IGF2BP3: variants seen among roughly 807,000 people sequenced by gnomAD.
The protein encoded by IGF2BP3 is insulin-like growth factor 2 mRNA-binding protein 3.
Under a neutral mutation model 73.8 loss-of-function variants are expected in IGF2BP3, and 9 were observed. The observed-to-expected ratio is 0.12, with a 90% CI of 0.07 to 0.21. IGF2BP3 has a LOEUF of 0.21. Among genes scored for constraint, IGF2BP3 ranks in the 10% least tolerant of loss-of-function variants. The pLI is 1.00. For missense variants in IGF2BP3, 542 were observed against 714.0 expected (o/e 0.76, Z 2.75); for synonymous variants, 258 against 256.7 (o/e 1.01, Z -0.05).
Position 23,318,687 on chromosome 7 carries a change from G to A in IGF2BP3, c.1320+451C>T, listed in dbSNP as rs1480350180. Among the ~76,000 whole-genome samples, 8 of 152,208 alleles carry A rather than the reference G, an allele frequency of 5.3e-5. No homozygotes were observed. In the South Asian group the frequency reaches 1.2e-3, roughly 24 times the overall value. On this transcript the variant is annotated intron_variant, in intron 11 of 14. Coordinates refer to ENST00000258729, the MANE Select transcript of IGF2BP3 (RefSeq NM_006547.3). Reference sequence around the variant, plus strand: ...GCCTGTATTTTGCCCCTTCAACTTCGTCTGGCCAAGTTCTGGGCAATGGAA... The same window carrying A: ...GCCTGTATTTTGCCCCTTCAACTTCATCTGGCCAAGTTCTGGGCAATGGAA...
chr7:23,451,282 G>A (rs747521853), intron 2 of IGF2BP3, among the ~76,000 whole-genome samples: 6 of 152,090 alleles, frequency 3.9e-5, no homozygotes, highest in Non-Finnish European at 8.8e-5. Context: ...GTCAGGTGTG[G>A]TGGTGCATGC....
intron 2 of IGF2BP3, chr7:23,468,002 G>C: frequency 5.5e-6 from 1 of 181,296 alleles, no homozygotes; most frequent in Non-Finnish European, 1.2e-5. Flanking sequence ...GAGCTCACAG[G>C]GCAGAGGCAA....
At chr7:23,420,305 A>C (rs1298108140) in intron 2 of IGF2BP3, among the ~76,000 whole-genome samples, 1 of 151,936 alleles carries the variant, frequency 6.6e-6, no homozygotes. Context: ...ATCTCTACAA[A>C]AATCTTTTTA....
chr7:23,328,245 G>T (rs1283907820), intron 10 of IGF2BP3, among the ~76,000 whole-genome samples: 2 of 151,970 alleles, frequency 1.3e-5, no homozygotes, highest in Non-Finnish European at 2.9e-5. Context: ...GTCTTGCTCT[G>T]TCTCCCAGGC....
In IGF2BP3 at chr7:23,439,609, G is replaced by T. The variant is rs556856509; in HGVS notation, c.237-20785C>A. Reference sequence around the variant, plus strand: ...TTTAAACTCTGTCCCTTATGATAATGTAGGTTGTGATATCATGCTTATAAT... The same window carrying T: ...TTTAAACTCTGTCCCTTATGATAATTTAGGTTGTGATATCATGCTTATAAT... On this transcript the variant is annotated intron_variant, in intron 2 of 14. Coordinates refer to ENST00000258729, the MANE Select transcript of IGF2BP3 (RefSeq NM_006547.3). Among the ~76,000 whole-genome samples, 7 of 145,748 alleles carry T rather than the reference G, an allele frequency of 4.8e-5. No homozygotes were observed. In the East Asian group the frequency reaches 1.5e-3, roughly 31 times the overall value.
intron 5 of IGF2BP3, among the ~76,000 whole-genome samples, chr7:23,360,791 G>C (rs531187322): frequency 6.6e-6 from 1 of 152,304 alleles, no homozygotes; most frequent in East Asian, 1.9e-4. Flanking sequence ...ATGGTATCTG[G>C]AGGTAGGTAG....
intron 2 of IGF2BP3, among the ~76,000 whole-genome samples, chr7:23,437,104 G>A (rs1420009232): frequency 6.6e-6 from 1 of 151,626 alleles, no homozygotes; most frequent in African/African-American, 2.4e-5. Context: ...GGGCGATAGA[G>A]TCAGACCCTG....
chr7:23,421,134 T>C (rs1787332556), intron 2 of IGF2BP3, among the ~76,000 whole-genome samples: 1 of 152,058 alleles, frequency 6.6e-6, no homozygotes, highest in South Asian at 2.1e-4. Context: ...CTCAGCCTCC[T>C]GCGTAGCTGG....
intron 3 of IGF2BP3, among the ~76,000 whole-genome samples, chr7:23,361,983 A>C (rs1785241394): frequency 6.6e-6 from 1 of 152,224 alleles, no homozygotes. Flanking sequence ...GAACTGGCTC[A>C]GAAAAGTATG....
intron 3 of IGF2BP3, among the ~76,000 whole-genome samples, chr7:23,369,379 C>T (rs963743723): frequency 1.3e-5 from 2 of 152,188 alleles, no homozygotes; most frequent in African/African-American, 4.8e-5. Context: ...AAGATTCAAT[C>T]AGATCATACC....
chr7:23,464,599 G>A (rs755013033), intron 2 of IGF2BP3, among the ~76,000 whole-genome samples: 11 of 151,836 alleles, frequency 7.2e-5, no homozygotes, highest in South Asian at 2.1e-4. Context: ...CAGAAGGATC[G>A]CTTGAACCTG....
At position 23,470,278 on chromosome 7, in the gene IGF2BP3, C is replaced by G. The variant is rs1331635578; in HGVS notation, c.-168G>C. 7.8e-6 allele frequency: 4 copies of G among 510,650 alleles called. No homozygotes were observed. The highest frequency in any genetic ancestry group is 1.4e-5 in the Non-Finnish European group (4 of 292,506). The allele number at this position is 510,650 out of a possible 1,614,324, so 31.6% of individuals were successfully genotyped here. A position where few individuals can be genotyped will look rare whatever the true frequency, so the allele number is the denominator to read the frequency against. Reference sequence around the variant, plus strand: ...AGAACGAGGAGTGAAAAATCAGATCCGAGGCTTGTTTTTTCCTTGTCTAGA... The same window carrying G: ...AGAACGAGGAGTGAAAAATCAGATCGGAGGCTTGTTTTTTCCTTGTCTAGA... On this transcript the variant is annotated 5_prime_UTR_variant, in exon 1 of 15. Coordinates refer to ENST00000258729, the MANE Select transcript of IGF2BP3 (RefSeq NM_006547.3).
At chr7:23,457,260 C>G (rs1788344090) in intron 2 of IGF2BP3, among the ~76,000 whole-genome samples, 1 of 151,960 alleles carries the variant, frequency 6.6e-6, no homozygotes, top group Non-Finnish European at 1.5e-5. Context: ...GTCAGGAGTT[C>G]AGAGACCAGC....
chr7:23,388,882 A>T (rs969930661), intron 3 of IGF2BP3, among the ~76,000 whole-genome samples: 1 of 152,200 alleles, frequency 6.6e-6, no homozygotes, highest in African/African-American at 2.4e-5. Context: ...TAAAAACTGG[A>T]AACAGCCCAA....
At chr7:23,461,098 C>T (rs1245264671) in intron 2 of IGF2BP3, among the ~76,000 whole-genome samples, 1 of 152,128 alleles carries the variant, frequency 6.6e-6, no homozygotes, top group Non-Finnish European at 1.5e-5. Flanking sequence ...TAACACCACC[C>T]TCACTCACTT....
chr7:23,457,494 A>T (rs1219005146), intron 2 of IGF2BP3, among the ~76,000 whole-genome samples: 1 of 152,166 alleles, frequency 6.6e-6, no homozygotes, highest in East Asian at 1.9e-4. Context: ...AAACTTCTCA[A>T]CAAGAAGTCT....
At chr7:23,455,752 G>A (rs1407628098) in intron 2 of IGF2BP3, among the ~76,000 whole-genome samples, 1 of 152,138 alleles carries the variant, frequency 6.6e-6, no homozygotes, top group Non-Finnish European at 1.5e-5. Context: ...GTGGCGCGAT[G>A]TCGACTCACT....
intron 5 of IGF2BP3, among the ~76,000 whole-genome samples, chr7:23,352,810 T>G (rs1423473769): frequency 6.6e-6 from 1 of 152,128 alleles, no homozygotes; most frequent in Non-Finnish European, 1.5e-5. Flanking sequence ...ATTTAAAAAT[T>G]TTATGTAAAT....
At position 23,443,495 on chromosome 7, in the gene IGF2BP3, A is replaced by G. The variant is rs1787985294; in HGVS notation, c.237-24671T>C. ...AGCCTGGCCAACATTGGGAAACCCCATCTCTACTGAAAACACAAAAATTAG... is the reference window on the plus strand; with the variant it reads ...AGCCTGGCCAACATTGGGAAACCCCGTCTCTACTGAAAACACAAAAATTAG... On this transcript the variant is annotated intron_variant, in intron 2 of 14. Transcript: ENST00000258729. 2.0e-5 allele frequency among the ~76,000 whole-genome samples: 3 copies of G among 152,044 alleles called. 1 individual carries two copies. Among genetic ancestry groups the G allele is most frequent in the South Asian group, 2.1e-4 (1 of 4,804 alleles).
Sources: gnomAD v4.1 joint callset for allele counts (sites outside exome capture counted in the v4.1 genomes callset) on GRCh38, gnomAD v4.1.1 for gene constraint, MANE v1.5 for transcripts, NCBI Gene and HGNC (gene_info 2026-07-23, HGNC 2026-07-21) for gene names.